Variants in LRRIQ3 observed in about 807,000 individuals in gnomAD.
The protein encoded by LRRIQ3 is leucine-rich repeat and IQ domain-containing protein 3.
A neutral mutation model predicts 59.3 loss-of-function variants in LRRIQ3; 75 were observed. The observed-to-expected ratio is 1.26, with a 90% confidence interval of 1.05 to 1.53. The LOEUF is 1.53. Ranked by LOEUF, LRRIQ3 falls within the 40% of genes most tolerant of loss-of-function variation. The pLI, the probability that LRRIQ3 is intolerant of heterozygous loss-of-function variation, is 0.00. For missense variants in LRRIQ3, 831 were observed against 710.0 expected, an observed-to-expected ratio of 1.17 and a Z score of -1.94; for synonymous variants, 250 against 231.3, an observed-to-expected ratio of 1.08 and a Z score of -0.73.
At position 74,109,532 on chromosome 1, in the gene LRRIQ3, T is replaced by A. The variant is rs767217529; in HGVS notation, c.729A>T (p.Lys243Asn). ...CTCTAATAATTTTTTCCTGCTGTTT[T>A]TTTTTGTGGAAAAACACAGGGCTGA... is the stretch of plus-strand genomic sequence containing the variant. The part of the protein sequence containing the change: ...KNLSPVFFHK[K>N]KQQEKIIRGY... Residue 243 changes from lysine (K) to asparagine (N), a missense_variant, in exon 5 of 8, where the codon AAA becomes AAT. Physicochemically the swap from Lys to Asn is moderately conservative, Grantham distance 94. Transcript: ENST00000354431. The A allele has an allele frequency of 1.3e-6, 2 of 1,562,912 alleles. No homozygotes were observed. Among genetic ancestry groups the A allele is most frequent in the South Asian group, 2.5e-5 (2 of 80,154 alleles).
intron 3 of LRRIQ3, among the ~76,000 whole-genome samples, chr1:74,157,914 T>A (rs985465697): frequency 3.3e-5 from 5 of 152,120 alleles, no homozygotes; most frequent in African/African-American, 1.2e-4. Flanking sequence ...CAAACTGATA[T>A]CTAACTAAAT....
chr1:74,081,447 C>T (rs557224907), intron 5 of LRRIQ3, among the ~76,000 whole-genome samples: 80 of 151,722 alleles, frequency 5.3e-4, no homozygotes, highest in African/African-American at 1.9e-3. Context: ...CTTAGCTACA[C>T]TACAGTGGGC....
chr1:74,105,586 A>C (rs1646600278), intron 5 of LRRIQ3, among the ~76,000 whole-genome samples: 1 of 151,882 alleles, frequency 6.6e-6, no homozygotes, highest in African/African-American at 2.4e-5. Flanking sequence ...TCTTGTTGCT[A>C]TTTTTGAGTC....
chr1:74,174,958 T>C (rs542686893), intron 3 of LRRIQ3, among the ~76,000 whole-genome samples: 1 of 152,356 alleles, frequency 6.6e-6, no homozygotes, highest in East Asian at 1.9e-4. Context: ...GTTTCCCTTA[T>C]TCTTCATTGT....
At chr1:74,162,501 T>C (rs1369986031) in intron 3 of LRRIQ3, among the ~76,000 whole-genome samples, 1 of 151,698 alleles carries the variant, frequency 6.6e-6, no homozygotes, top group Non-Finnish European at 1.5e-5. Flanking sequence ...TGGAACGAAA[T>C]AGAGTGAGAC....
intron 1 of LRRIQ3, among the ~76,000 whole-genome samples, chr1:74,194,369 CTT>C (rs1291439232): frequency 4.6e-5 from 7 of 152,218 alleles, no homozygotes; most frequent in African/African-American, 7.2e-5. Context: ...GCATTTATAA[CTT>C]AATATAAATA....
chr1:74,074,684 GT>G lies in LRRIQ3; in HGVS notation c.973del (p.Thr325HisfsTer40), dbSNP rs758088327. The G allele has an allele frequency of 8.6e-6, 12 of 1,402,022 alleles. No homozygotes were observed. Among genetic ancestry groups the G allele is most frequent in the African/African-American group, 1.5e-5 (1 of 67,220 alleles). 86.8% of individuals were successfully genotyped at this position (1,402,022 alleles called of 1,614,324 possible). On this transcript the variant is annotated frameshift_variant, in exon 6 of 8. Transcript: ENST00000354431. LOFTEE classifies it high-confidence loss of function. Reference sequence around the variant, plus strand: ...ACCTTTTTGAATGAGATGTCTTGATGTTTTTGATTTCATGCCTAGATCTTTT... The same window carrying G: ...ACCTTTTTGAATGAGATGTCTTGATGTTTTGATTTCATGCCTAGATCTTTT... ...KPKDLGMKSKTSRHLIQKGQE... is the reference protein window; with the variant it reads ...KPKDLGMKSKXSRHLIQKGQE...
At chr1:74,082,966 T>C (rs536821789) in intron 5 of LRRIQ3, 2 of 151,694 alleles carry the variant, frequency 1.3e-5, no homozygotes, top group South Asian at 4.1e-4. Context: ...TAAGTTTTTA[T>C]TACAATACTG....
intron 6 of LRRIQ3, among the ~76,000 whole-genome samples, chr1:74,073,319 C>G (rs987634256): frequency 6.6e-6 from 1 of 152,042 alleles, no homozygotes; most frequent in African/African-American, 2.4e-5. Context: ...CAAGACCAGC[C>G]TGGGCAACAT....
At chr1:74,059,721 A>G (rs935333163) in intron 6 of LRRIQ3, among the ~76,000 whole-genome samples, 2 of 151,988 alleles carry the variant, frequency 1.3e-5, no homozygotes, top group African/African-American at 2.4e-5. Flanking sequence ...CATCTTTTCC[A>G]TTTCTGAAAA....
chr1:74,085,395 T>C (rs895426370), intron 5 of LRRIQ3, among the ~76,000 whole-genome samples: 5 of 148,260 alleles, frequency 3.4e-5, no homozygotes, highest in African/African-American at 1.2e-4. Flanking sequence ...AATGTTCATA[T>C]AGAATAGTCA....
At chr1:74,155,681 T>G in intron 4 of LRRIQ3, 52 bp downstream of exon 4, 1 of 1,474,986 alleles carries the variant, frequency 6.8e-7, no homozygotes, top group Non-Finnish European at 9.1e-7. Flanking sequence ...TTATCATTTA[T>G]TTCTTCACCT....
intron 4 of LRRIQ3, among the ~76,000 whole-genome samples, chr1:74,137,679 A>T (rs1487257838): frequency 6.6e-6 from 1 of 152,126 alleles, no homozygotes; most frequent in Non-Finnish European, 1.5e-5. Flanking sequence ...AATAGCAAAG[A>T]CTTGGAACCA....
intron 5 of LRRIQ3, chr1:74,082,435 T>C (rs1646283798): frequency 6.6e-6 from 1 of 151,502 alleles, no homozygotes; most frequent in Admixed American, 6.6e-5. Context: ...GTTCATAGGG[T>C]CATGTAAAAT....
chr1:74,126,077 T>G (rs1249352784), intron 4 of LRRIQ3, among the ~76,000 whole-genome samples: 2 of 151,872 alleles, frequency 1.3e-5, no homozygotes, highest in African/African-American at 4.8e-5. Flanking sequence ...CGGTTCAATC[T>G]TAGTAAGTTG....
At chr1:74,197,173 C>T (rs1478205115) in intron 1 of LRRIQ3, among the ~76,000 whole-genome samples, 2 of 152,034 alleles carry the variant, frequency 1.3e-5, no homozygotes, top group South Asian at 2.1e-4. Context: ...TATTAGAACA[C>T]GATTGTATAA....
At chr1:74,072,709 T>C (rs1053291450) in intron 6 of LRRIQ3, among the ~76,000 whole-genome samples, 2 of 151,988 alleles carry the variant, frequency 1.3e-5, no homozygotes, top group African/African-American at 4.8e-5. Flanking sequence ...TAGTTGGAAG[T>C]AGGTACCTAT....
intron 3 of LRRIQ3, among the ~76,000 whole-genome samples, chr1:74,164,551 T>C (rs1234442211): frequency 6.6e-6 from 1 of 151,568 alleles, no homozygotes; most frequent in Non-Finnish European, 1.5e-5. Context: ...TACTTTGTTA[T>C]GGCAGCCCTA....
chr1:74,097,280 C>A (rs907125811), intron 5 of LRRIQ3, among the ~76,000 whole-genome samples: 9 of 152,050 alleles, frequency 5.9e-5, no homozygotes, highest in Non-Finnish European at 1.5e-5. Flanking sequence ...GCTTCAGTAG[C>A]CGATTCAATC....
Sources: gnomAD v4.1 joint callset for allele counts (sites outside exome capture counted in the v4.1 genomes callset) on GRCh38, gnomAD v4.1.1 for gene constraint, MANE v1.5 for transcripts, NCBI Gene and HGNC (gene_info 2026-07-23, HGNC 2026-07-21) for gene names.